ITIH5: variants seen among roughly 807,000 people sequenced by gnomAD.
ITIH5 encodes the protein inter-alpha-trypsin inhibitor heavy chain H5.
In ITIH5, 65 loss-of-function variants were observed where a neutral mutation model predicts 77.5. The observed-to-expected ratio is 0.84, with a 90% CI of 0.69 to 1.03. The LOEUF is 1.03. Ranked by LOEUF, ITIH5 falls within the 50% of genes least tolerant of loss-of-function variation. ITIH5 has a pLI of 0.00. For synonymous variants in ITIH5, 525 were observed against 494.3 expected (o/e 1.06, Z -0.82); for missense variants, 1,208 against 1,213.1 (o/e 1.00, Z 0.06).
intron 7 of ITIH5, among the ~76,000 whole-genome samples, chr10:7,592,010 A>C (rs1305265712): frequency 1.3e-5 from 2 of 152,126 alleles, no homozygotes; most frequent in African/African-American, 4.8e-5. Context: ...AGCTGGGGCT[A>C]CAGGTGCACG....
At chr10:7,611,325 T>G (rs368491540) in intron 7 of ITIH5, among the ~76,000 whole-genome samples, 8 of 152,260 alleles carry the variant, frequency 5.3e-5, no homozygotes, top group African/African-American at 1.9e-4. Context: ...AAATGGCCCA[T>G]GCCATATTTT....
At position 7,617,141 on chromosome 10, in the gene ITIH5, T is replaced by C. The variant is rs761763146; in HGVS notation, c.794A>G (p.Asn265Ser). ...GATGTCCCCAATGCTCTGTTCTCTA[T>C]TGACGTCATATCTAATGATAAAGTC... is the stretch of plus-strand genomic sequence containing the variant. ...LGDFIIRYDV[N>S]REQSIGDIQV... Residue 265 changes from asparagine to serine, a missense_variant, in exon 6 of 14, where the codon AAT becomes AGT. Coordinates refer to ENST00000397146, the MANE Select transcript of ITIH5 (RefSeq NM_030569.7). 5.0e-6 allele frequency: 8 copies of C among 1,597,894 alleles called. No individual in the cohort carries two copies. The highest frequency in any genetic ancestry group is 1.8e-5 in the Admixed American group (1 of 56,354).
At chr10:7,573,256 G>GC in intron 10 of ITIH5, 61 bp from the exon 11 acceptor site, 1 of 1,427,922 alleles carries the variant, frequency 7.0e-7, no homozygotes, top group South Asian at 1.1e-5. Context: ...AGAGAGAGGT[G>GC]CAAAGGGAGA....
intron 5 of ITIH5, chr10:7,621,066 A>C (rs1833467601): frequency 6.6e-6 from 1 of 152,222 alleles, no homozygotes; most frequent in African/African-American, 2.4e-5. Context: ...TTTGTGTTTT[A>C]ACGAGCCCTC....
intron 10 of ITIH5, among the ~76,000 whole-genome samples, chr10:7,576,011 G>C (rs1411243728): frequency 6.6e-6 from 1 of 152,078 alleles, no homozygotes; most frequent in African/African-American, 2.4e-5. Context: ...GCTGTATATA[G>C]TGTTATTGCT....
intron 5 of ITIH5, chr10:7,617,492 T>A (rs1263368091): frequency 1.0e-5 from 4 of 384,362 alleles, no homozygotes; most frequent in Non-Finnish European, 1.8e-5. Flanking sequence ...CCTTTTCTTA[T>A]GAACATTTTT....
At chr10:7,632,379 T>C (rs1008617324) in intron 5 of ITIH5, among the ~76,000 whole-genome samples, 7 of 152,120 alleles carry the variant, frequency 4.6e-5, no homozygotes, top group African/African-American at 1.7e-4. Flanking sequence ...CTGATGATGG[T>C]TGTACAACTC....
rs1187984071 is a variant in ITIH5 at position 7,640,763 on chromosome 10, T to C, written c.392A>G (p.Glu131Gly). 10 of 1,608,630 alleles carry C rather than the reference T, an allele frequency of 6.2e-6. No homozygotes were observed. Among genetic ancestry groups the C allele is most frequent in the Non-Finnish European group, 7.7e-6 (9 of 1,175,344 alleles). The change falls in exon 4 of 14, where the codon GAA becomes GGA. Residue 131 changes from glutamate (E) to glycine (G), a missense_variant. Glu to Gly is a moderately conservative substitution (Grantham distance 98). Coordinates refer to ENST00000397146, the MANE Select transcript of ITIH5 (RefSeq NM_030569.7). ...RVKEKRNKTT[E>G]ENGEKGTEIF... ...ATTAACCAATACTTACCCATTTTCT[T>C]CTGTGGTTTTATTCCTTTTCTCTTT...
In ITIH5 at chr10:7,586,083, A is replaced by C. The variant is rs552327838; in HGVS notation, c.940-14T>G. 2.1e-5 allele frequency: 33 copies of C among 1,608,710 alleles called. No individual in the cohort carries two copies. The East Asian group carries it at 6.0e-4, about 29-fold the overall frequency. ...GGCATCCTTGGTCTAGGCAAACACA[A>C]AAGCAAAACCAGTCACAGCTGCTCA... On this transcript the variant is annotated splice_polypyrimidine_tract_variant and intron_variant, in intron 7 of 13. Coordinates refer to ENST00000397146, the MANE Select transcript of ITIH5 (RefSeq NM_030569.7).
At chr10:7,605,232 G>A (rs78517254) in intron 7 of ITIH5, among the ~76,000 whole-genome samples, 3 of 151,294 alleles carry the variant, frequency 2.0e-5, no homozygotes, top group African/African-American at 4.9e-5. Flanking sequence ...CACATGTCAC[G>A]CATCTCTCTC....
chr10:7,625,633 C>G lies in ITIH5; in HGVS notation c.653-8351G>C, dbSNP rs1346792569. 2.0e-5 allele frequency among the ~76,000 whole-genome samples: 3 copies of G among 151,932 alleles called. No homozygotes were observed. In the East Asian group the frequency reaches 5.8e-4, roughly 29 times the overall value. ...CACAAAAATTAGCCGGGCCTGGTGGCGTGAGCTTGTAACCCCAGCTACTGG... is the reference window on the plus strand; with the variant it reads ...CACAAAAATTAGCCGGGCCTGGTGGGGTGAGCTTGTAACCCCAGCTACTGG... On this transcript the variant is annotated intron_variant, in intron 5 of 13. Transcript: ENST00000397146.
intron 5 of ITIH5, among the ~76,000 whole-genome samples, chr10:7,636,333 T>C (rs1278917970): frequency 6.6e-6 from 1 of 152,190 alleles, no homozygotes; most frequent in Admixed American, 6.5e-5. Context: ...ACATCTATAC[T>C]AAGCATTTTT....
rs944255075 is a variant in ITIH5 at position 7,644,890 on chromosome 10, A to G, written c.136-2800T>C. On this transcript the variant is annotated intron_variant, in intron 2 of 13. Transcript: ENST00000397146. ...TATATATCACATATATATATCACATATATATATCACATATATATATCACAT... is the reference window on the plus strand; with the variant it reads ...TATATATCACATATATATATCACATGTATATATCACATATATATATCACAT... Among the ~76,000 whole-genome samples, 9 of 82,258 alleles carry G rather than the reference A, an allele frequency of 1.1e-4. No individual in the cohort carries two copies. In the South Asian group the frequency reaches 4.6e-3, roughly 42 times the overall value. The allele number at this position is 82,258 out of a possible 152,430, so 54.0% of individuals were successfully genotyped here.
At chr10:7,652,467 G>C (rs1834117763) in intron 2 of ITIH5, among the ~76,000 whole-genome samples, 1 of 152,170 alleles carries the variant, frequency 6.6e-6, no homozygotes, top group South Asian at 2.1e-4. Flanking sequence ...ACGCAAGAGA[G>C]TGATGCGCCA....
intron 7 of ITIH5, among the ~76,000 whole-genome samples, chr10:7,595,746 C>T (rs887792429): frequency 1.3e-5 from 2 of 152,132 alleles, no homozygotes; most frequent in Non-Finnish European, 2.9e-5. Context: ...TGGTGGCTCA[C>T]GCCTGTAATC....
chr10:7,651,036 A>C lies in ITIH5; in HGVS notation c.135+4595T>G, dbSNP rs1834091849. On this transcript the variant is annotated intron_variant, in intron 2 of 13. Coordinates refer to ENST00000397146, the MANE Select transcript of ITIH5 (RefSeq NM_030569.7). ...ATGCACACAATGGTCAGAGTTGGGC[A>C]CAGGCACAGACACACATATGACTGG... 2.1e-5 allele frequency among the ~76,000 whole-genome samples: 3 copies of C among 141,908 alleles called. No individual in the cohort carries two copies. In the South Asian group the frequency reaches 6.9e-4, roughly 33 times the overall value. The allele number at this position is 141,908 out of a possible 152,430, so 93.1% of individuals were successfully genotyped here. A position where few individuals can be genotyped will look rare whatever the true frequency, so the allele number is the denominator to read the frequency against.
At chr10:7,589,607 T>C (rs4611104) in intron 7 of ITIH5, among the ~76,000 whole-genome samples, 43,083 of 151,728 alleles carry the variant, frequency 0.28, 6,451 homozygotes, top group East Asian at 0.49. Flanking sequence ...CTCCTTTCCA[T>C]TCCCAGGGCT....
intron 5 of ITIH5, among the ~76,000 whole-genome samples, chr10:7,635,227 G>A (rs887793347): frequency 6.6e-6 from 1 of 152,206 alleles, no homozygotes; most frequent in African/African-American, 2.4e-5. Context: ...ACAGAGGTAA[G>A]TTTTGCAACA....
intron 7 of ITIH5, chr10:7,600,633 T>G: frequency 2.2e-6 from 1 of 455,704 alleles, no homozygotes. Flanking sequence ...ACATCCTTCT[T>G]CAAGCTAAGA....
Sources: allele counts gnomAD v4.1 joint callset (sites outside exome capture counted in the v4.1 genomes callset), GRCh38; gene constraint gnomAD v4.1.1; transcripts MANE v1.5; gene names NCBI Gene and HGNC (gene_info 2026-07-23, HGNC 2026-07-21).